Variants in L3MBTL4 observed in about 807,000 individuals in gnomAD.
L3MBTL4 encodes the protein L3MBTL histone methyl-lysine binding protein 4.
Under a neutral mutation model 84.5 loss-of-function variants are expected in L3MBTL4, and 70 were observed. That is an observed-to-expected ratio of 0.83 (90% CI 0.68 to 1.01). The LOEUF is 1.01. L3MBTL4 is among the 50% of genes least tolerant of loss of function. The probability of loss-of-function intolerance (pLI) is 0.00; values close to 1 mark genes in which losing one functional copy is unlikely to be tolerated. For missense variants in L3MBTL4, 715 were observed against 754.8 expected (o/e 0.95, Z 0.62); for synonymous variants, 274 against 259.8 (o/e 1.05, Z -0.52).
At chr18:6,076,804 A>G (rs570069640) in intron 16 of L3MBTL4, among the ~76,000 whole-genome samples, 1 of 152,316 alleles carries the variant, frequency 6.6e-6, no homozygotes, top group South Asian at 2.1e-4. Flanking sequence ...CATTAATTAA[A>G]GGTTTGGGAC....
rs77339135 is a variant in L3MBTL4 at position 6,206,795 on chromosome 18, G to T, written c.981+6354C>A. Among the ~76,000 whole-genome samples the T allele has an allele frequency of 3.2e-3, 482 of 152,154 alleles. 1 individual carries two copies. Among genetic ancestry groups the T allele is most frequent in the African/African-American group, 0.011 (447 of 41,498 alleles). ...GAAGCTGTTGATTACATGGTAGCCC[G>T]CATTTCTTCTACCTTTTTTTACTTA... On this transcript the variant is annotated intron_variant, in intron 12 of 18. Coordinates refer to ENST00000317931, the MANE Select transcript of L3MBTL4 (RefSeq NM_001330559.2).
chr18:6,389,138 C>T (rs370432607), intron 1 of L3MBTL4, among the ~76,000 whole-genome samples: 110 of 152,256 alleles, frequency 7.2e-4, no homozygotes, highest in African/African-American at 2.6e-3. Context: ...TGGGGTCCTA[C>T]CTTTACCCTC....
chr18:6,413,014 G>A (rs998252499), intron 1 of L3MBTL4, among the ~76,000 whole-genome samples: 6 of 152,136 alleles, frequency 3.9e-5, no homozygotes, highest in African/African-American at 1.2e-4. Flanking sequence ...GAGCCCAGGA[G>A]GTTAAGGCTG....
At chr18:6,100,330 A>T (rs1260909583) in intron 14 of L3MBTL4, among the ~76,000 whole-genome samples, 8 of 152,214 alleles carry the variant, frequency 5.3e-5, no homozygotes, top group African/African-American at 1.7e-4. Flanking sequence ...TGTATTTTTC[A>T]ATTCTAAAAT....
intron 14 of L3MBTL4, among the ~76,000 whole-genome samples, chr18:6,115,915 G>A (rs976654010): frequency 7.2e-5 from 11 of 152,136 alleles, no homozygotes; most frequent in Non-Finnish European, 1.5e-4. Flanking sequence ...TTTGCTCGGC[G>A]CAGTCCTTGT....
intron 12 of L3MBTL4, among the ~76,000 whole-genome samples, chr18:6,212,003 T>C (rs2046128711): frequency 1.3e-5 from 2 of 152,182 alleles, no homozygotes; most frequent in Non-Finnish European, 2.9e-5. Context: ...AAAGCAATTA[T>C]GATATGCAAA....
At chr18:6,262,615 G>C (rs1190057780) in intron 5 of L3MBTL4, among the ~76,000 whole-genome samples, 1 of 152,096 alleles carries the variant, frequency 6.6e-6, no homozygotes, top group Non-Finnish European at 1.5e-5. Context: ...GCCCCTGAGG[G>C]TCTGATTTAG....
At chr18:6,146,426 G>A (rs1023470496) in intron 13 of L3MBTL4, among the ~76,000 whole-genome samples, 2 of 152,166 alleles carry the variant, frequency 1.3e-5, no homozygotes, top group Non-Finnish European at 2.9e-5. Flanking sequence ...GGCTGAGAGC[G>A]AGGAACTCAG....
chr18:6,120,371 C>T (rs748637594), intron 14 of L3MBTL4, among the ~76,000 whole-genome samples: 12 of 152,112 alleles, frequency 7.9e-5, no homozygotes, highest in Non-Finnish European at 4.4e-5. Context: ...CCCAGCTTGG[C>T]GTTACTAACC....
intron 5 of L3MBTL4, among the ~76,000 whole-genome samples, chr18:6,263,269 C>CAAAAA (rs750079581): frequency 3.3e-5 from 2 of 60,698 alleles, no homozygotes; most frequent in Admixed American, 1.9e-4. Flanking sequence ...CTCCGTCTCA[C>CAAAAA]AAAAAAAAAA....
intron 13 of L3MBTL4, among the ~76,000 whole-genome samples, chr18:6,164,401 C>T (rs2043533167): frequency 6.6e-6 from 1 of 152,216 alleles, no homozygotes; most frequent in Non-Finnish European, 1.5e-5. Flanking sequence ...GTCCCTGACC[C>T]CCGAGTAGCC....
chr18:6,331,379 T>A (rs949521496), intron 1 of L3MBTL4, among the ~76,000 whole-genome samples: 3 of 152,150 alleles, frequency 2.0e-5, no homozygotes, highest in Non-Finnish European at 4.4e-5. Context: ...GGAGGTCCAA[T>A]TCCCCCTACC....
chr18:6,184,549 G>A (rs2044632079), intron 12 of L3MBTL4, among the ~76,000 whole-genome samples: 1 of 152,090 alleles, frequency 6.6e-6, no homozygotes, highest in African/African-American at 2.4e-5. Context: ...TACCAACATT[G>A]TTATTCAAGA....
intron 1 of L3MBTL4, among the ~76,000 whole-genome samples, chr18:6,352,251 C>T (rs1022297598): frequency 2.0e-5 from 3 of 152,170 alleles, no homozygotes; most frequent in African/African-American, 7.2e-5. Context: ...ATCATTTCAC[C>T]TCAAAGTAAT....
chr18:6,232,757 A>C (rs1307049640), intron 10 of L3MBTL4, among the ~76,000 whole-genome samples: 2 of 151,738 alleles, frequency 1.3e-5, no homozygotes, highest in Non-Finnish European at 2.9e-5. Flanking sequence ...TATCAGAAGA[A>C]AAAAAAGTTT....
intron 1 of L3MBTL4, among the ~76,000 whole-genome samples, chr18:6,321,372 C>T (rs941635216): frequency 6.6e-6 from 1 of 152,018 alleles, no homozygotes; most frequent in African/African-American, 2.4e-5. Context: ...GGAACACAAA[C>T]AAGTCAGCAA....
rs575162234 is a variant in L3MBTL4, at chr18:6,120,448, G to A, written c.1199+17746C>T. Among the ~76,000 whole-genome samples the A allele has an allele frequency of 4.8e-4, 73 of 152,280 alleles. 1 individual carries two copies. In the South Asian group the frequency reaches 5.4e-3, roughly 11 times the overall value. On this transcript the variant is annotated intron_variant, in intron 14 of 18. Coordinates refer to ENST00000317931, the MANE Select transcript of L3MBTL4 (RefSeq NM_001330559.2). ...TGGAGAAACTTGTGAGTAACGTTAGGAAGGCTACTCTGATTTTCTTGAGGT... is the reference window on the plus strand; with the variant it reads ...TGGAGAAACTTGTGAGTAACGTTAGAAAGGCTACTCTGATTTTCTTGAGGT...
At chr18:6,187,075 A>G (rs756751279) in intron 12 of L3MBTL4, among the ~76,000 whole-genome samples, 2 of 152,192 alleles carry the variant, frequency 1.3e-5, no homozygotes, top group African/African-American at 4.8e-5. Flanking sequence ...TCTGTATCCA[A>G]TCTCAGTTAT....
chr18:5,975,815 T>C (rs2052895505), intron 16 of L3MBTL4, among the ~76,000 whole-genome samples: 2 of 152,236 alleles, frequency 1.3e-5, no homozygotes, highest in African/African-American at 2.4e-5. Context: ...ACTCAGCACA[T>C]GCTGTTTCTT....
Sources: gnomAD v4.1 joint callset for allele counts (sites outside exome capture counted in the v4.1 genomes callset) on GRCh38, gnomAD v4.1.1 for gene constraint, MANE v1.5 for transcripts, NCBI Gene and HGNC (gene_info 2026-07-23, HGNC 2026-07-21) for gene names.